The following YAP1 variants were observed in gnomAD, a reference collection of about 807,000 sequenced individuals.
The protein encoded by YAP1 is transcriptional coactivator YAP1.
Under a neutral mutation model 56.9 loss-of-function variants are expected in YAP1, and 5 were observed. That is an observed-to-expected ratio of 0.09 (90% CI 0.05 to 0.18). YAP1 has a LOEUF of 0.18. Among genes scored for constraint, YAP1 ranks in the 10% least tolerant of loss-of-function variants. The pLI is 1.00. For synonymous variants in YAP1, 265 were observed against 248.1 expected (o/e 1.07, Z -0.64); for missense variants, 539 against 651.8 (o/e 0.83, Z 1.88).
intron 4 of YAP1, among the ~76,000 whole-genome samples, chr11:102,200,543 C>A (rs1361636593): frequency 6.7e-6 from 1 of 150,146 alleles, no homozygotes; most frequent in Non-Finnish European, 1.5e-5. Flanking sequence ...CCCCCGTGTT[C>A]AAGTGATTAT....
intron 4 of YAP1, among the ~76,000 whole-genome samples, chr11:102,200,419 T>C (rs1386999749): frequency 1.3e-5 from 2 of 151,216 alleles, no homozygotes; most frequent in East Asian, 1.9e-4. Context: ...TTTAAAAAGA[T>C]TGACAAATTT....
chr11:102,210,336 T>C (rs1949336688), intron 6 of YAP1, among the ~76,000 whole-genome samples: 1 of 152,246 alleles, frequency 6.6e-6, no homozygotes, highest in African/African-American at 2.4e-5. Flanking sequence ...CCTCACCTTC[T>C]ATGTAACTTA....
intron 2 of YAP1, among the ~76,000 whole-genome samples, chr11:102,124,472 C>T (rs1001356135): frequency 9.9e-5 from 15 of 152,126 alleles, no homozygotes; most frequent in African/African-American, 3.6e-4. Flanking sequence ...AGTACAGTTG[C>T]CCTAAAGTAC....
chr11:102,186,093 C>T lies in YAP1; in HGVS notation c.764C>T (p.Thr255Ile). 1 of 1,612,510 alleles carries T rather than the reference C, an allele frequency of 6.2e-7. No homozygotes were observed. The highest frequency in any genetic ancestry group is 8.5e-7 in the Non-Finnish European group (1 of 1,179,210). The change falls in exon 4 of 9, where the codon ACC (threonine) becomes ATC (isoleucine). Residue 255 changes from threonine (T) to isoleucine (I), a missense_variant. Thr to Ile is a moderately conservative substitution (Grantham distance 89). This residue lies in a region of YAP1 where 414 missense variants were observed against 512.4 expected (regional missense o/e 0.81). Coordinates refer to ENST00000282441, the MANE Select transcript of YAP1 (RefSeq NM_001130145.3). ...EIYYINHKNKTTSWLDPRLDP... is the reference protein window; with the variant it reads ...EIYYINHKNKITSWLDPRLDP... ...TACTATATAAACCATAAGAACAAGA[C>T]CACCTCTTGGCTAGACCCAAGGCTT...
At chr11:102,149,388 C>T (rs1945498639) in intron 2 of YAP1, among the ~76,000 whole-genome samples, 1 of 152,056 alleles carries the variant, frequency 6.6e-6, no homozygotes, top group African/African-American at 2.4e-5. Context: ...GATAGGATAC[C>T]TTCAAGAGAG....
intron 4 of YAP1, among the ~76,000 whole-genome samples, chr11:102,189,641 A>C (rs1006555480): frequency 6.6e-6 from 1 of 152,168 alleles, no homozygotes; most frequent in Non-Finnish European, 1.5e-5. Flanking sequence ...TATGTGTAGA[A>C]ATGTCAGAGG....
At chr11:102,220,628 A>G (rs776743851) in intron 6 of YAP1, among the ~76,000 whole-genome samples, 8 of 152,224 alleles carry the variant, frequency 5.3e-5, no homozygotes, top group Non-Finnish European at 1.0e-4. Flanking sequence ...AAGACAGCCA[A>G]TAGACTAGAC....
Position 102,229,691 on chromosome 11 carries a change from G to A in YAP1, c.1277-11G>A. 3 of 1,611,314 alleles carry A rather than the reference G, an allele frequency of 1.9e-6. No homozygotes were observed. Among genetic ancestry groups the A allele is most frequent in the Non-Finnish European group, 2.5e-6 (3 of 1,177,794 alleles). The stretch of plus-strand genomic sequence containing the variant: ...AAAAAGGACTTTGTTATCTCTGTGT[G>A]TTTCCACTAGGTGATACTATCAACC... On this transcript the variant is annotated splice_polypyrimidine_tract_variant and intron_variant, in intron 8 of 8. Coordinates refer to ENST00000282441, the MANE Select transcript of YAP1 (RefSeq NM_001130145.3).
chr11:102,118,794 C>G (rs1270117229), intron 2 of YAP1, among the ~76,000 whole-genome samples: 1 of 149,316 alleles, frequency 6.7e-6, no homozygotes, highest in East Asian at 2.0e-4. Context: ...ATGTTGTTAT[C>G]ATATACAGTG....
At chr11:102,209,663 C>A in intron 6 of YAP1, 99 bp downstream of exon 6, 2 of 1,094,944 alleles carry the variant, frequency 1.8e-6, no homozygotes, top group Non-Finnish European at 2.5e-6. Context: ...CCTTATTGGA[C>A]ATTAGCCCAG....
intron 2 of YAP1, 101 bp from the exon 3 acceptor site, chr11:102,162,355 A>T: frequency 1.1e-6 from 1 of 940,984 alleles, no homozygotes; most frequent in Non-Finnish European, 1.7e-6. Flanking sequence ...TAATGCTTTT[A>T]CAGAGCTCGC....
intron 2 of YAP1, among the ~76,000 whole-genome samples, chr11:102,133,850 T>C (rs1222402483): frequency 6.6e-6 from 1 of 152,194 alleles, no homozygotes; most frequent in Non-Finnish European, 1.5e-5. Context: ...TTATTTCTTA[T>C]AGTTTTGGCA....
intron 2 of YAP1, among the ~76,000 whole-genome samples, chr11:102,155,810 C>T (rs773797337): frequency 2.0e-5 from 3 of 152,186 alleles, no homozygotes; most frequent in Admixed American, 6.5e-5. Flanking sequence ...GAATGTGGTT[C>T]CAGATTTGTA....
At chr11:102,186,285 C>T in intron 4 of YAP1, 154 bp downstream of exon 4, 3 of 835,822 alleles carry the variant, frequency 3.6e-6, no homozygotes, top group Non-Finnish European at 5.4e-6. Flanking sequence ...TGTTTTTATC[C>T]TTCTCATTGT....
chr11:102,186,383 C>A (rs1947946058), intron 4 of YAP1: 1 of 362,096 alleles, frequency 2.8e-6, no homozygotes, highest in South Asian at 3.0e-5. Context: ...TAACCAGAAT[C>A]ACTTGTTCCT....
At chr11:102,131,046 T>C (rs1175375321) in intron 2 of YAP1, among the ~76,000 whole-genome samples, 1 of 152,198 alleles carries the variant, frequency 6.6e-6, no homozygotes, top group Non-Finnish European at 1.5e-5. Flanking sequence ...TTGGTGCCCA[T>C]CATACTGCAG....
At chr11:102,156,903 T>C (rs998872750) in intron 2 of YAP1, among the ~76,000 whole-genome samples, 5 of 152,214 alleles carry the variant, frequency 3.3e-5, no homozygotes, top group South Asian at 2.1e-4. Flanking sequence ...TGTCAGCATG[T>C]CACTTTTTTT....
At chr11:102,111,300 C>A in intron 1 of YAP1, 131 bp downstream of exon 1, 1 of 1,064,428 alleles carries the variant, frequency 9.4e-7, no homozygotes, top group South Asian at 1.6e-5. Context: ...GTGGGGGTCC[C>A]GAGGCGAAGT....
intron 7 of YAP1, among the ~76,000 whole-genome samples, chr11:102,226,552 A>G (rs1258056208): frequency 6.6e-6 from 1 of 152,206 alleles, no homozygotes. Context: ...GCGTTTCTCT[A>G]AGATTTTGTA....
Sources: allele counts gnomAD v4.1 joint callset (sites outside exome capture counted in the v4.1 genomes callset), GRCh38; gene constraint gnomAD v4.1.1; regional missense constraint gnomAD v4.1.1; transcripts MANE v1.5; gene names NCBI Gene and HGNC (gene_info 2026-07-23, HGNC 2026-07-21).